MAP4K3: variants seen among roughly 807,000 people sequenced by gnomAD.
MAP4K3 encodes MAPK/ERK kinase kinase kinase 3.
MAP4K3 carries 94 observed loss-of-function variants against 143.5 expected under a neutral mutation model. That is an observed-to-expected ratio of 0.65 (90% confidence interval 0.55 to 0.78). MAP4K3 has a LOEUF of 0.78. MAP4K3 is among the 30% of genes least tolerant of loss of function. The pLI is 0.00. For missense variants in MAP4K3, 1,077 were observed against 1,068.1 expected, an observed-to-expected ratio of 1.01 and a Z score of -0.12; for synonymous variants, 416 against 347.2, an observed-to-expected ratio of 1.20 and a Z score of -2.20.
At chr2:39,410,203 A>G (rs946872332) in intron 1 of MAP4K3, among the ~76,000 whole-genome samples, 3 of 152,166 alleles carry the variant, frequency 2.0e-5, no homozygotes, top group Non-Finnish European at 4.4e-5. Flanking sequence ...GCAACAGCTG[A>G]TTTCTAGTTC....
intron 26 of MAP4K3, among the ~76,000 whole-genome samples, chr2:39,268,054 G>T (rs1680838766): frequency 6.6e-6 from 1 of 152,138 alleles, no homozygotes; most frequent in African/African-American, 2.4e-5. Flanking sequence ...ATAAAAATTT[G>T]TGAAGAATTT....
At chr2:39,305,042 C>T (rs1189419885) in intron 15 of MAP4K3, among the ~76,000 whole-genome samples, 2 of 152,054 alleles carry the variant, frequency 1.3e-5, no homozygotes, top group Non-Finnish European at 2.9e-5. Flanking sequence ...TGTTCGCTGC[C>T]AGGGGCTGGA....
At chr2:39,421,395 G>C (rs1189118535) in intron 1 of MAP4K3, among the ~76,000 whole-genome samples, 57 of 74,856 alleles carry the variant, frequency 7.6e-4, no homozygotes, top group Middle Eastern at 0.014. Context: ...TTTTTTTGTA[G>C]AGACAGGGTT....
chr2:39,379,693 T>A (rs1666310416), intron 1 of MAP4K3: 1 of 167,328 alleles, frequency 6.0e-6, no homozygotes, highest in African/African-American at 2.4e-5. Context: ...TCCTTTAGCA[T>A]CTCCTCCAAA....
rs1205989842 is a variant in MAP4K3, at chr2:39,263,311, G to C, written c.2136+1892C>G. On this transcript the variant is annotated intron_variant, in intron 28 of 33. Transcript: ENST00000263881. ...TTTTTGAGACGGAGTCTCGCTCTGT[G>C]GCCCAGGCGGGAGTGCAGTGGCGCA... Among the ~76,000 whole-genome samples, 139 of 142,314 alleles carry C rather than the reference G, an allele frequency of 9.8e-4. 1 individual carries two copies. Among genetic ancestry groups the C allele is most frequent in the African/African-American group, 3.2e-3 (124 of 38,326 alleles). 93.4% of individuals were successfully genotyped at this position (142,314 alleles called of 152,430 possible).
At chr2:39,263,272 GTT>G (rs869070441) in intron 28 of MAP4K3, among the ~76,000 whole-genome samples, 5 of 136,204 alleles carry the variant, frequency 3.7e-5, no homozygotes, top group African/African-American at 5.4e-5. Flanking sequence ...ACATATAGAA[GTT>G]TTTTTTTTTT....
At chr2:39,381,606 G>A (rs1233586415) in intron 1 of MAP4K3, among the ~76,000 whole-genome samples, 1 of 151,872 alleles carries the variant, frequency 6.6e-6, no homozygotes, top group Non-Finnish European at 1.5e-5. Flanking sequence ...AGATTTCTAA[G>A]TTTTATAGTT....
At chr2:39,340,460 C>T (rs1217645932) in intron 4 of MAP4K3, among the ~76,000 whole-genome samples, 1 of 152,194 alleles carries the variant, frequency 6.6e-6, no homozygotes, top group Non-Finnish European at 1.5e-5. Flanking sequence ...TTTTTTTCCA[C>T]TGAGCCAGTT....
At chr2:39,269,418 T>C (rs1012678408) in intron 26 of MAP4K3, among the ~76,000 whole-genome samples, 2 of 148,888 alleles carry the variant, frequency 1.3e-5, no homozygotes, top group African/African-American at 2.5e-5. Flanking sequence ...GTCCCTCCAA[T>C]AAAGAGGTAG....
At chr2:39,258,709 C>T in intron 29 of MAP4K3, 122 bp from the exon 30 acceptor site, 1 of 737,440 alleles carries the variant, frequency 1.4e-6, no homozygotes, top group Non-Finnish European at 2.4e-6. Context: ...CTGTAATACA[C>T]ATGTAGTGAC....
chr2:39,316,729 CTT>C (rs1251199615), intron 12 of MAP4K3, among the ~76,000 whole-genome samples: 1 of 152,058 alleles, frequency 6.6e-6, no homozygotes, highest in Non-Finnish European at 1.5e-5. Flanking sequence ...AAAGATTACA[CTT>C]AACATCTCTA....
chr2:39,260,671 A>G lies in MAP4K3; in HGVS notation c.2243T>C (p.Phe748Ser). The G allele has an allele frequency of 6.2e-7, 1 of 1,614,088 alleles. No homozygotes were observed. Among genetic ancestry groups the G allele is most frequent in the Middle Eastern group, 1.6e-4 (1 of 6,062 alleles). ...VCVGVSRGRD[F>S]NQVVRFETVN... is the part of the protein sequence containing the mutation. ...CGTCTCAAATCGAACCACTTGGTTG[A>G]AGTCTCTACCTCTACTGACACCAAC... The change falls in exon 29 of 34, where the codon TTC becomes TCC. Residue 748 changes from phenylalanine to serine, a missense_variant. Physicochemically the swap from Phe to Ser is radical, Grantham distance 155. Coordinates refer to ENST00000263881, the MANE Select transcript of MAP4K3 (RefSeq NM_003618.4).
chr2:39,311,112 C>A (rs1013797371), intron 13 of MAP4K3, among the ~76,000 whole-genome samples: 10 of 152,158 alleles, frequency 6.6e-5, no homozygotes, highest in African/African-American at 2.4e-4. Flanking sequence ...GAGTCTCTTT[C>A]CGTTGCCCAG....
intron 16 of MAP4K3, among the ~76,000 whole-genome samples, chr2:39,298,405 T>C (rs1257124980): frequency 6.6e-6 from 1 of 152,202 alleles, no homozygotes; most frequent in East Asian, 1.9e-4. Flanking sequence ...ACTCTGATAG[T>C]ATTTAACTGA....
chr2:39,431,890 T>C (rs1229712271), intron 1 of MAP4K3, among the ~76,000 whole-genome samples: 1 of 152,128 alleles, frequency 6.6e-6, no homozygotes, highest in Non-Finnish European at 1.5e-5. Flanking sequence ...TAGTGGGTGG[T>C]GAAACTAGGC....
intron 1 of MAP4K3, among the ~76,000 whole-genome samples, chr2:39,402,868 G>C (rs1418194992): frequency 1.3e-5 from 2 of 150,548 alleles, no homozygotes; most frequent in African/African-American, 2.4e-5. Context: ...GTAGAGACAT[G>C]ACATCACTAC....
At chr2:39,271,731 A>C (rs1276924770) in intron 26 of MAP4K3, among the ~76,000 whole-genome samples, 1 of 152,152 alleles carries the variant, frequency 6.6e-6, no homozygotes, top group Non-Finnish European at 1.5e-5. Flanking sequence ...AGCTGGAACC[A>C]CAGGCTCGAG....
At chr2:39,265,337 T>C (rs1680724669) in intron 27 of MAP4K3, 31 bp from the exon 28 acceptor site, 1 of 1,290,514 alleles carries the variant, frequency 7.7e-7, no homozygotes, top group South Asian at 1.2e-5. Flanking sequence ...ATGAGTTCTC[T>C]TATAAAACAA....
chr2:39,394,164 C>T (rs571367242), intron 1 of MAP4K3, among the ~76,000 whole-genome samples: 7 of 152,286 alleles, frequency 4.6e-5, no homozygotes, highest in Admixed American at 2.6e-4. Flanking sequence ...GAGAGAATGG[C>T]CAATATGAAT....
Sources: allele counts gnomAD v4.1 joint callset (sites outside exome capture counted in the v4.1 genomes callset), GRCh38; gene constraint gnomAD v4.1.1; transcripts MANE v1.5; gene names NCBI Gene and HGNC (gene_info 2026-07-23, HGNC 2026-07-21).